SESN3: variants seen among roughly 807,000 people sequenced by gnomAD.
SESN3 encodes the protein sestrin 3, also known as sestrin-3.
In SESN3, 21 loss-of-function variants were observed where a neutral mutation model predicts 55.3. The observed-to-expected ratio is 0.38, with a 90% CI of 0.27 to 0.55. SESN3 has a LOEUF of 0.55. Ranked by LOEUF, SESN3 falls within the 20% of genes least tolerant of loss-of-function variation. The probability of loss-of-function intolerance (pLI) is 0.76; values close to 1 mark genes in which losing one functional copy is unlikely to be tolerated. For missense variants in SESN3, 408 were observed against 604.3 expected, an observed-to-expected ratio of 0.68 and a Z score of 3.41; for synonymous variants, 181 against 203.1, an observed-to-expected ratio of 0.89 and a Z score of 0.93.
intron 8 of SESN3, among the ~76,000 whole-genome samples, chr11:95,177,268 T>A (rs1030664713): frequency 4.6e-5 from 7 of 152,204 alleles, no homozygotes; most frequent in Admixed American, 4.6e-4. Context: ...TGTGACCTTA[T>A]GTAAGCTTAT....
At chr11:95,197,051 C>A (rs890512269) in intron 1 of SESN3, among the ~76,000 whole-genome samples, 2 of 152,200 alleles carry the variant, frequency 1.3e-5, no homozygotes, top group Non-Finnish European at 2.9e-5. Context: ...TTTCTGCTTA[C>A]ATTACAGTCC....
chr11:95,215,687 T>G (rs1305542662), intron 1 of SESN3, among the ~76,000 whole-genome samples: 2 of 152,212 alleles, frequency 1.3e-5, no homozygotes, highest in Admixed American at 6.5e-5. Context: ...AGTATTTGAA[T>G]GTGAATTTTT....
chr11:95,217,038 G>A (rs571759686), intron 1 of SESN3, among the ~76,000 whole-genome samples: 8 of 151,738 alleles, frequency 5.3e-5, no homozygotes, highest in Admixed American at 2.6e-4. Flanking sequence ...CCCTGGAGGT[G>A]GGGGTTGCAG....
rs112953596 is a variant in SESN3, at chr11:95,191,678, A to C, written c.145-77T>G. On this transcript the variant is annotated intron_variant, in intron 2 of 9. Transcript: ENST00000536441. ...CTTGGTTTAAATAAATTATGCCACTATTGAAGCAAATGAATATTCATTTGA... is the reference window on the plus strand; with the variant it reads ...CTTGGTTTAAATAAATTATGCCACTCTTGAAGCAAATGAATATTCATTTGA... The C allele has an allele frequency of 2.5e-3, 2,552 of 1,001,328 alleles. 47 individuals carry two copies. In the African/African-American group the frequency reaches 0.036, roughly 14 times the overall value. 62.0% of individuals were successfully genotyped at this position (1,001,328 alleles called of 1,614,324 possible).
intron 4 of SESN3, among the ~76,000 whole-genome samples, chr11:95,187,193 A>C (rs1860184317): frequency 6.6e-6 from 1 of 151,936 alleles, no homozygotes; most frequent in Admixed American, 6.6e-5. Context: ...GCATCTTCAT[A>C]CTATAGTTTT....
chr11:95,176,861 A>G (rs1430378357), intron 8 of SESN3, among the ~76,000 whole-genome samples: 1 of 152,174 alleles, frequency 6.6e-6, no homozygotes. Context: ...AACATTGTCT[A>G]GCATGGTAAA....
At chr11:95,204,330 A>G (rs1011910163) in intron 1 of SESN3, among the ~76,000 whole-genome samples, 1 of 152,194 alleles carries the variant, frequency 6.6e-6, no homozygotes, top group Admixed American at 6.5e-5. Flanking sequence ...TTATTACAAC[A>G]AAGTTTTTGT....
intron 3 of SESN3, 137 bp downstream of exon 3, chr11:95,191,267 G>T: frequency 1.5e-6 from 1 of 687,420 alleles, no homozygotes. Context: ...GTATCCAAAA[G>T]GCCATAGGCT....
At chr11:95,228,830 G>A (rs1053164610) in intron 1 of SESN3, among the ~76,000 whole-genome samples, 22 of 152,102 alleles carry the variant, frequency 1.4e-4, no homozygotes, top group East Asian at 1.9e-4. Flanking sequence ...CTTTTTCCAC[G>A]TTTCTTTTAA....
At position 95,220,248 on chromosome 11, in the gene SESN3, T is replaced by C. The variant is rs528195148; in HGVS notation, c.78+10535A>G. On this transcript the variant is annotated intron_variant, in intron 1 of 9. Coordinates refer to ENST00000536441, the MANE Select transcript of SESN3 (RefSeq NM_144665.4). ...TGTTATTATTTATCTTCATAAATAA[T>C]AGTTTTACTGAAAAAAATTTACCAA... Among the ~76,000 whole-genome samples, 5 of 152,338 alleles carry C rather than the reference T, an allele frequency of 3.3e-5. No homozygotes were observed. In the East Asian group the frequency reaches 9.6e-4, roughly 29 times the overall value.
intron 1 of SESN3, among the ~76,000 whole-genome samples, chr11:95,208,364 A>G (rs1860588042): frequency 6.6e-6 from 1 of 151,524 alleles, no homozygotes. Flanking sequence ...GAGAGTTCAT[A>G]TAATCATGAC....
At chr11:95,223,410 G>C (rs1217781287) in intron 1 of SESN3, among the ~76,000 whole-genome samples, 1 of 151,974 alleles carries the variant, frequency 6.6e-6, no homozygotes, top group Non-Finnish European at 1.5e-5. Context: ...CAATCAATTT[G>C]GTATAATGGA....
chr11:95,202,592 CT>C (rs1307545112), intron 1 of SESN3, among the ~76,000 whole-genome samples: 1 of 151,998 alleles, frequency 6.6e-6, no homozygotes, highest in Non-Finnish European at 1.5e-5. Flanking sequence ...CCTGTATAAG[CT>C]TTTAAGTGTT....
chr11:95,187,384 TA>T (rs1860187169), intron 4 of SESN3, among the ~76,000 whole-genome samples: 1 of 151,970 alleles, frequency 6.6e-6, no homozygotes, highest in Non-Finnish European at 1.5e-5. Flanking sequence ...TCACCATCTC[TA>T]ATTTCTTGCC....
intron 1 of SESN3, among the ~76,000 whole-genome samples, chr11:95,228,016 A>G (rs764161406): frequency 6.6e-6 from 1 of 152,176 alleles, no homozygotes; most frequent in Non-Finnish European, 1.5e-5. Context: ...TTATTTATGG[A>G]TATGGTTTAC....
At chr11:95,185,678 A>T (rs1860149744) in intron 4 of SESN3, among the ~76,000 whole-genome samples, 186 bp from the exon 5 acceptor site, 1 of 152,114 alleles carries the variant, frequency 6.6e-6, no homozygotes, top group Non-Finnish European at 1.5e-5. Context: ...ATCATACCTA[A>T]CAATATAATT....
intron 4 of SESN3, among the ~76,000 whole-genome samples, chr11:95,187,759 C>G (rs1860192806): frequency 6.6e-6 from 1 of 151,846 alleles, no homozygotes; most frequent in Non-Finnish European, 1.5e-5. Flanking sequence ...AAACAACTAT[C>G]CAATTTTACT....
At chr11:95,212,071 T>C (rs1211956199) in intron 1 of SESN3, among the ~76,000 whole-genome samples, 1 of 152,190 alleles carries the variant, frequency 6.6e-6, no homozygotes, top group African/African-American at 2.4e-5. Context: ...ATAACACATT[T>C]TGCATTTTTG....
chr11:95,172,184 A>G lies in SESN3; in HGVS notation c.*1071T>C, dbSNP rs1387277834. ...CACTCTGTTTTTGTAGTTCAATCAC[A>G]TTAATGCATAGAAACACAATTTTTA... is the stretch of plus-strand genomic sequence containing the variant. On this transcript the variant is annotated 3_prime_UTR_variant, in exon 10 of 10. Transcript: ENST00000536441. The G allele has an allele frequency of 6.6e-6, 1 of 152,204 alleles. No individual in the cohort carries two copies. The highest frequency in any genetic ancestry group is 1.5e-5 in the Non-Finnish European group (1 of 68,016). 9.4% of individuals were successfully genotyped at this position (152,204 alleles called of 1,614,324 possible).
Sources: gnomAD v4.1 joint callset for allele counts (sites outside exome capture counted in the v4.1 genomes callset) on GRCh38, gnomAD v4.1.1 for gene constraint, MANE v1.5 for transcripts, NCBI Gene and HGNC (gene_info 2026-07-23, HGNC 2026-07-21) for gene names.